Variants in SLC26A5 observed in about 807,000 individuals in gnomAD.
SLC26A5 encodes solute carrier family 26 member 5.
SLC26A5 carries 51 observed loss-of-function variants against 81.0 expected under a neutral mutation model. The observed-to-expected ratio is 0.63, with a 90% CI of 0.50 to 0.80. SLC26A5 has a LOEUF of 0.80. SLC26A5 is among the 30% of genes least tolerant of loss of function. The probability of loss-of-function intolerance (pLI) is 0.00; values close to 1 mark genes in which losing one functional copy is unlikely to be tolerated. For missense variants in SLC26A5, 771 were observed against 905.8 expected (o/e 0.85, Z 1.91); for synonymous variants, 325 against 332.8 (o/e 0.98, Z 0.25).
In SLC26A5 at chr7:103,407,062, A is replaced by G. The variant is rs148384765; in HGVS notation, c.888+789T>C. Among the ~76,000 whole-genome samples the G allele has an allele frequency of 9.2e-5, 14 of 152,360 alleles. No homozygotes were observed. In the East Asian group the frequency reaches 2.5e-3, roughly 27 times the overall value. On this transcript the variant is annotated intron_variant, in intron 8 of 19. Coordinates refer to ENST00000306312, the MANE Select transcript of SLC26A5 (RefSeq NM_198999.3). ...GATATTAAAAGGTCCCCAGTGAAACAGTGACATCTATTGGGCACTGTGCAA... is the reference window on the plus strand; with the variant it reads ...GATATTAAAAGGTCCCCAGTGAAACGGTGACATCTATTGGGCACTGTGCAA...
intron 2 of SLC26A5, among the ~76,000 whole-genome samples, chr7:103,431,037 C>A (rs1246524231): frequency 2.0e-5 from 3 of 152,198 alleles, no homozygotes; most frequent in Non-Finnish European, 4.4e-5. Context: ...CTTGAAAGAT[C>A]TTTAACGCTC....
intron 2 of SLC26A5, among the ~76,000 whole-genome samples, chr7:103,425,071 G>A (rs1054862898): frequency 1.3e-5 from 2 of 152,054 alleles, no homozygotes; most frequent in African/African-American, 2.4e-5. Flanking sequence ...AGAGTCCTTC[G>A]GCTATCCCCA....
intron 2 of SLC26A5, chr7:103,434,956 AG>A (rs1826346535): frequency 6.6e-6 from 1 of 152,180 alleles, no homozygotes; most frequent in Non-Finnish European, 1.5e-5. Flanking sequence ...GGCCCATTAC[AG>A]GAGATTTAAA....
chr7:103,441,154 C>T (rs546335933), intron 2 of SLC26A5, among the ~76,000 whole-genome samples: 3 of 152,312 alleles, frequency 2.0e-5, no homozygotes, highest in Admixed American at 6.5e-5. Context: ...CTCCTGGTAA[C>T]CGACGTGCCT....
At chr7:103,366,037 G>T in intron 19 of SLC26A5, 4 of 1,518,292 alleles carry the variant, frequency 2.6e-6, no homozygotes, top group Non-Finnish European at 3.6e-6. Context: ...AAAATATTTT[G>T]AAACCAATTT....
intron 19 of SLC26A5, among the ~76,000 whole-genome samples, chr7:103,364,506 C>T (rs1820587184): frequency 1.3e-5 from 2 of 152,114 alleles, no homozygotes; most frequent in Admixed American, 1.3e-4. Flanking sequence ...CCTCTCTGGG[C>T]TTAGGCGATC....
chr7:103,385,602 A>G (rs1163604532), intron 14 of SLC26A5, among the ~76,000 whole-genome samples: 1 of 152,196 alleles, frequency 6.6e-6, no homozygotes, highest in Non-Finnish European at 1.5e-5. Flanking sequence ...AGACCCAGCA[A>G]AATCACCAAC....
chr7:103,364,237 T>C, intron 19 of SLC26A5: 1 of 1,614,214 alleles, frequency 6.2e-7, no homozygotes, highest in Non-Finnish European at 8.5e-7. Flanking sequence ...GCGCGGGCAG[T>C]TGCTAATCGG....
intron 2 of SLC26A5, among the ~76,000 whole-genome samples, chr7:103,424,216 C>G (rs1317974767): frequency 6.6e-6 from 1 of 152,168 alleles, no homozygotes; most frequent in Non-Finnish European, 1.5e-5. Context: ...TCTTCCAAAC[C>G]CTTGTTCTGT....
rs142994409 is a variant in SLC26A5, at chr7:103,396,952, G to T, written c.971+980C>A. Among the ~76,000 whole-genome samples, 148 of 150,764 alleles carry T rather than the reference G, an allele frequency of 9.8e-4. 1 individual carries two copies. The highest frequency in any genetic ancestry group is 3.3e-3 in the African/African-American group (136 of 41,006). On this transcript the variant is annotated intron_variant, in intron 9 of 19. Transcript: ENST00000306312. ...TCTACTAAAAATATAAAAATTAGTTGGATGTGGTGGCACACACCTGTAATC... is the reference window on the plus strand; with the variant it reads ...TCTACTAAAAATATAAAAATTAGTTTGATGTGGTGGCACACACCTGTAATC...
At chr7:103,419,569 G>C (rs532657294) in intron 4 of SLC26A5, among the ~76,000 whole-genome samples, 68 of 147,414 alleles carry the variant, frequency 4.6e-4, no homozygotes, top group African/African-American at 1.7e-3. Flanking sequence ...ATAGAGTCTT[G>C]CTCTGTTGCC....
intron 9 of SLC26A5, among the ~76,000 whole-genome samples, chr7:103,396,575 C>A (rs1009871880): frequency 1.3e-5 from 2 of 152,056 alleles, no homozygotes; most frequent in East Asian, 3.8e-4. Flanking sequence ...ACGCCAGTCA[C>A]GAAAAGACAA....
intron 14 of SLC26A5, chr7:103,388,788 T>C (rs1822410614): frequency 8.3e-6 from 4 of 483,128 alleles, no homozygotes; most frequent in Non-Finnish European, 3.9e-6. Context: ...GGAGCATAAA[T>C]TGTGACATAG....
At chr7:103,391,525 G>T in intron 11 of SLC26A5, 97 bp downstream of exon 11, 1 of 966,682 alleles carries the variant, frequency 1.0e-6, no homozygotes. Flanking sequence ...GGATCTGCAG[G>T]CCAGAGTAGC....
intron 2 of SLC26A5, among the ~76,000 whole-genome samples, chr7:103,441,837 G>C (rs1163207381): frequency 6.6e-6 from 1 of 152,198 alleles, no homozygotes; most frequent in Non-Finnish European, 1.5e-5. Context: ...AAGGTGAGCA[G>C]GCACAGCAGC....
At chr7:103,414,043 A>G (rs1824711395) in intron 4 of SLC26A5, among the ~76,000 whole-genome samples, 1 of 152,114 alleles carries the variant, frequency 6.6e-6, no homozygotes, top group Non-Finnish European at 1.5e-5. Context: ...CAGTCTATGC[A>G]AATGTACAAT....
chr7:103,393,038 T>G lies in SLC26A5; in HGVS notation c.1000A>C (p.Ser334Arg). 1 of 1,613,976 alleles carries G rather than the reference T, an allele frequency of 6.2e-7. No homozygotes were observed. Among genetic ancestry groups the G allele is most frequent in the Non-Finnish European group, 8.5e-7 (1 of 1,179,848 alleles). Residue 334 changes from serine (S) to arginine (R), a missense_variant, in exon 10 of 20, where the codon AGC (serine) becomes CGC (arginine). Transcript: ENST00000306312. Reference protein sequence around the residue: ...GLLPPANPDTSLFHLVYVDAI... With the variant: ...GLLPPANPDTRLFHLVYVDAI... ...TCTACGTACACAAGGTGGAAGAGGC[T>G]GGTGTCCGGATTGGCTGGAGGTAGC... is the stretch of plus-strand genomic sequence containing the variant.
chr7:103,374,279 T>C lies in SLC26A5; in HGVS notation c.*120A>G. ...TGCTAGGCGTCATTCACCCTCCAAATCAAGCCTGGACTACTAGTATTCACC... is the reference window on the plus strand; with the variant it reads ...TGCTAGGCGTCATTCACCCTCCAAACCAAGCCTGGACTACTAGTATTCACC... On this transcript the variant is annotated 3_prime_UTR_variant, in exon 20 of 20. Coordinates refer to ENST00000306312, the MANE Select transcript of SLC26A5 (RefSeq NM_198999.3). 1.3e-6 allele frequency: 2 copies of C among 1,505,144 alleles called. No individual in the cohort carries two copies. Among genetic ancestry groups the C allele is most frequent in the South Asian group, 2.6e-5 (2 of 77,108 alleles). 93.2% of individuals were successfully genotyped at this position (1,505,144 alleles called of 1,614,324 possible).
chr7:103,418,814 C>G (rs1306080531), intron 4 of SLC26A5, among the ~76,000 whole-genome samples: 1 of 152,152 alleles, frequency 6.6e-6, no homozygotes, highest in Non-Finnish European at 1.5e-5. Flanking sequence ...CTGGTCTCCT[C>G]ACATCCATTC....
Sources: gnomAD v4.1 joint callset for allele counts (sites outside exome capture counted in the v4.1 genomes callset) on GRCh38, gnomAD v4.1.1 for gene constraint, MANE v1.5 for transcripts, NCBI Gene and HGNC (gene_info 2026-07-23, HGNC 2026-07-21) for gene names.